Variants in TTC28 observed in about 807,000 individuals in gnomAD.
TTC28 encodes the protein tetratricopeptide repeat domain 28.
TTC28 carries 61 observed loss-of-function variants against 198.0 expected under a neutral mutation model. That is an observed-to-expected ratio of 0.31 (90% confidence interval 0.25 to 0.38). The LOEUF (loss-of-function observed/expected upper bound fraction) is 0.38, where lower values mean the gene tolerates loss of function less well. Among genes scored for constraint, TTC28 ranks in the 10% least tolerant of loss-of-function variants. The pLI, the probability that TTC28 is intolerant of heterozygous loss-of-function variation, is 1.00. For missense variants in TTC28, 2,678 were observed against 3,164.0 expected (o/e 0.85, Z 3.69); for synonymous variants, 1,171 against 1,297.8 (o/e 0.90, Z 2.10).
intron 14 of TTC28, among the ~76,000 whole-genome samples, chr22:28,012,035 C>T (rs1938185335): frequency 6.6e-6 from 1 of 152,214 alleles, no homozygotes; most frequent in African/African-American, 2.4e-5. Flanking sequence ...GTCCAAATAA[C>T]CTTCAGAGGA....
chr22:28,019,790 A>T (rs1300441838), intron 13 of TTC28, among the ~76,000 whole-genome samples: 1 of 152,230 alleles, frequency 6.6e-6, no homozygotes, highest in African/African-American at 2.4e-5. Flanking sequence ...GCTCTAGAGA[A>T]CAGTGCTTTT....
At chr22:28,353,382 G>A (rs1376334794) in intron 2 of TTC28, among the ~76,000 whole-genome samples, 2 of 152,120 alleles carry the variant, frequency 1.3e-5, no homozygotes, top group Non-Finnish European at 1.5e-5. Flanking sequence ...ACCCTGAATA[G>A]CCAAAACAAT....
At chr22:28,607,896 T>C (rs568060231) in intron 2 of TTC28, among the ~76,000 whole-genome samples, 1 of 152,348 alleles carries the variant, frequency 6.6e-6, no homozygotes, top group East Asian at 1.9e-4. Context: ...CTGCTTCTGC[T>C]TTCACTCTCC....
At chr22:28,152,286 G>C (rs543515938) in intron 6 of TTC28, among the ~76,000 whole-genome samples, 1 of 152,282 alleles carries the variant, frequency 6.6e-6, no homozygotes, top group East Asian at 1.9e-4. Context: ...CATGAACAGG[G>C]ACCACTGCTT....
chr22:28,677,142 C>G (rs1239142319), intron 1 of TTC28, among the ~76,000 whole-genome samples: 1 of 95,086 alleles, frequency 1.1e-5, no homozygotes, highest in African/African-American at 4.2e-5. Context: ...GGTGACAGAG[C>G]AAGACTCCAT....
chr22:27,993,480 G>A lies in TTC28; in HGVS notation c.5283C>T (p.Arg1761=). The change falls in exon 18 of 23, where the codon CGC becomes CGT. Residue 1761 remains arginine, a synonymous_variant. Coordinates refer to ENST00000397906, the MANE Select transcript of TTC28 (RefSeq NM_001145418.2). ...KSLQRIQNGQ[R]NAMYTSQQSV... Reference sequence around the variant, plus strand: ...TCTGCTGGGATGTGTACATGGCATTGCGCTGCCCATTCTGGATGCGCTGCA... The same window carrying A: ...TCTGCTGGGATGTGTACATGGCATTACGCTGCCCATTCTGGATGCGCTGCA... 6.4e-7 allele frequency: 1 copy of A among 1,550,566 alleles called. No homozygotes were observed. Among genetic ancestry groups the A allele is most frequent in the Non-Finnish European group, 8.7e-7 (1 of 1,146,248 alleles).
At chr22:28,454,492 A>G (rs1200150098) in intron 2 of TTC28, among the ~76,000 whole-genome samples, 2 of 152,250 alleles carry the variant, frequency 1.3e-5, no homozygotes, top group African/African-American at 2.4e-5. Flanking sequence ...CCCAAGGAAT[A>G]CAAAAAGAGG....
chr22:28,650,507 T>C (rs1234458989), intron 1 of TTC28, among the ~76,000 whole-genome samples: 2 of 152,188 alleles, frequency 1.3e-5, no homozygotes, highest in East Asian at 3.8e-4. Flanking sequence ...TGCAATATGC[T>C]AGAATCAGGG....
At chr22:28,117,299 A>G (rs1942659150) in intron 6 of TTC28, among the ~76,000 whole-genome samples, 1 of 152,170 alleles carries the variant, frequency 6.6e-6, no homozygotes, top group Non-Finnish European at 1.5e-5. Context: ...CTTTGTATGA[A>G]TATAATACTT....
At chr22:28,601,432 A>T (rs1332000354) in intron 2 of TTC28, among the ~76,000 whole-genome samples, 2 of 152,188 alleles carry the variant, frequency 1.3e-5, no homozygotes, top group Non-Finnish European at 2.9e-5. Flanking sequence ...TTGCAGTTGT[A>T]CTGAACATAT....
intron 2 of TTC28, among the ~76,000 whole-genome samples, chr22:28,539,065 C>T (rs1248371561): frequency 2.0e-5 from 3 of 152,174 alleles, no homozygotes; most frequent in Non-Finnish European, 4.4e-5. Flanking sequence ...GATAGACTGC[C>T]TGTTGACAGG....
chr22:28,131,955 T>A (rs1178929543), intron 6 of TTC28, among the ~76,000 whole-genome samples: 1 of 152,216 alleles, frequency 6.6e-6, no homozygotes, highest in East Asian at 1.9e-4. Flanking sequence ...CACCACTCAT[T>A]ATTCAAAAGA....
chr22:28,175,965 T>C (rs1351426227), intron 5 of TTC28, among the ~76,000 whole-genome samples: 2 of 152,176 alleles, frequency 1.3e-5, no homozygotes, highest in Non-Finnish European at 2.9e-5. Context: ...ACTGGTGGAA[T>C]TGTAAACCAG....
At chr22:28,082,908 G>C (rs1483737124) in intron 12 of TTC28, among the ~76,000 whole-genome samples, 2 of 152,066 alleles carry the variant, frequency 1.3e-5, no homozygotes, top group African/African-American at 4.8e-5. Context: ...TTTGGTTACT[G>C]ATTTAATTTC....
Position 27,999,001 on chromosome 22 carries a change from A to G in TTC28, c.4658T>C (p.Leu1553Pro). The G allele has an allele frequency of 6.4e-7, 1 of 1,550,568 alleles. No homozygotes were observed. The highest frequency in any genetic ancestry group is 8.7e-7 in the Non-Finnish European group (1 of 1,146,988). The part of the protein sequence containing the change: ...VHFATHISWK[L>P]SALVLTPSMD... ...GCTGGGCGTGAGGACCAAGGCCGAC[A>G]GCTTCCAGGAGATGTGGGTGGCAAA... is the stretch of plus-strand genomic sequence containing the variant. The change falls in exon 16 of 23, where the codon CTG becomes CCG. Residue 1553 changes from leucine (L) to proline (P), a missense_variant. Coordinates refer to ENST00000397906, the MANE Select transcript of TTC28 (RefSeq NM_001145418.2).
intron 2 of TTC28, among the ~76,000 whole-genome samples, chr22:28,487,683 ATTG>A (rs573753832): frequency 2.6e-4 from 39 of 152,262 alleles, no homozygotes; most frequent in South Asian, 1.2e-3. Context: ...TTTTTCATCC[ATTG>A]TAAGCATATT....
chr22:28,594,978 T>C (rs2050513536), intron 2 of TTC28, among the ~76,000 whole-genome samples: 1 of 152,186 alleles, frequency 6.6e-6, no homozygotes, highest in African/African-American at 2.4e-5. Flanking sequence ...GAATAGACAG[T>C]ACGGACATTC....
Position 28,168,688 on chromosome 22 carries a change from C to T in TTC28, c.934-5089G>A, listed in dbSNP as rs531073722. Among the ~76,000 whole-genome samples the T allele has an allele frequency of 5.9e-5, 9 of 152,318 alleles. No individual in the cohort carries two copies. The South Asian group carries it at 1.9e-3, about 32-fold the overall frequency. ...AAATTAATTCAAGATGGATTAAAGA[C>T]TTAAATGTTAGACCTATAACCATAA... is the stretch of plus-strand genomic sequence containing the variant. On this transcript the variant is annotated intron_variant, in intron 5 of 22. Transcript: ENST00000397906.
At chr22:28,245,126 G>C (rs1929984512) in intron 5 of TTC28, among the ~76,000 whole-genome samples, 1 of 152,192 alleles carries the variant, frequency 6.6e-6, no homozygotes, top group African/African-American at 2.4e-5. Flanking sequence ...TTGTTTTTCA[G>C]AAGTCATGCT....
Sources: allele counts gnomAD v4.1 joint callset (sites outside exome capture counted in the v4.1 genomes callset), GRCh38; gene constraint gnomAD v4.1.1; transcripts MANE v1.5; gene names NCBI Gene and HGNC (gene_info 2026-07-23, HGNC 2026-07-21).